The following SAMD3 variants were observed in gnomAD, a reference collection of about 807,000 sequenced individuals.
The protein encoded by SAMD3 is sterile alpha motif domain containing 3.
A neutral mutation model predicts 58.5 loss-of-function variants in SAMD3; 63 were observed. The observed-to-expected ratio is 1.08, with a 90% confidence interval of 0.88 to 1.33. The LOEUF (loss-of-function observed/expected upper bound fraction) is 1.33, where lower values mean the gene tolerates loss of function less well. Ranked by LOEUF, SAMD3 falls within the 40% of genes most tolerant of loss-of-function variation. The probability of loss-of-function intolerance (pLI) is 0.00; values close to 1 mark genes in which losing one functional copy is unlikely to be tolerated. For missense variants in SAMD3, 604 were observed against 608.4 expected (o/e 0.99, Z 0.08); for synonymous variants, 220 against 210.3 (o/e 1.05, Z -0.40).
At chr6:130,197,248 A>G (rs1381134943) in intron 5 of SAMD3, among the ~76,000 whole-genome samples, 1 of 152,280 alleles carries the variant, frequency 6.6e-6, no homozygotes, top group East Asian at 1.9e-4. Flanking sequence ...CTGTGCCCCA[A>G]AAAACTTGTC....
chr6:130,343,685 C>T (rs1777345231), intron 1 of SAMD3, among the ~76,000 whole-genome samples: 1 of 152,152 alleles, frequency 6.6e-6, no homozygotes, highest in Admixed American at 6.5e-5. Flanking sequence ...GAGTCATGGG[C>T]TGGGAGCTCT....
chr6:130,268,819 G>A (rs28780746), intron 2 of SAMD3, among the ~76,000 whole-genome samples: 1 of 152,114 alleles, frequency 6.6e-6, no homozygotes, highest in Non-Finnish European at 1.5e-5. Context: ...ACATTTCTCA[G>A]AATGTATCTC....
upstream of SAMD3, among the ~76,000 whole-genome samples, chr6:130,223,379 G>A (rs138682736): frequency 2.6e-5 from 4 of 152,326 alleles, no homozygotes; most frequent in Non-Finnish European, 4.4e-5. Context: ...ACATAGCTCA[G>A]TGTGTACGTG....
intron 2 of SAMD3, among the ~76,000 whole-genome samples, chr6:130,303,510 G>T (rs1015284430): frequency 1.3e-5 from 2 of 152,112 alleles, no homozygotes; most frequent in Non-Finnish European, 2.9e-5. Flanking sequence ...TCCATGAATA[G>T]AAATAAATGT....
At chr6:130,271,705 C>G (rs889148991) in intron 2 of SAMD3, among the ~76,000 whole-genome samples, 5 of 152,156 alleles carry the variant, frequency 3.3e-5, no homozygotes, top group African/African-American at 1.2e-4. Context: ...CTAATAAAGA[C>G]ATATCGAGAC....
chr6:130,212,671 T>G (rs1043848212), intron 4 of SAMD3, among the ~76,000 whole-genome samples: 2 of 152,216 alleles, frequency 1.3e-5, no homozygotes, highest in Non-Finnish European at 2.9e-5. Flanking sequence ...AGCCCAGGTT[T>G]CCTGGCAGTC....
In SAMD3 at chr6:130,154,034, C is replaced by T. The variant is rs149258705; in HGVS notation, c.1023+791G>A. On this transcript the variant is annotated intron_variant, in intron 9 of 11. Transcript: ENST00000439090. ...AAATTATTTGGGATCATAAAGGAAA[C>T]GTATTTTTACTAAGGATGCATAATA... Among the ~76,000 whole-genome samples the T allele has an allele frequency of 3.4e-3, 517 of 151,852 alleles. 2 individuals are homozygous for T. The highest frequency in any genetic ancestry group is 0.012 in the African/African-American group (490 of 41,404).
chr6:130,332,409 G>A (rs1389194235), intron 1 of SAMD3, among the ~76,000 whole-genome samples: 1 of 150,644 alleles, frequency 6.6e-6, no homozygotes, highest in Non-Finnish European at 1.5e-5. Flanking sequence ...AGGGGTTAGA[G>A]GTAAAGTCAG....
At chr6:130,351,026 T>C (rs1324591468) in intron 1 of SAMD3, among the ~76,000 whole-genome samples, 2 of 152,104 alleles carry the variant, frequency 1.3e-5, no homozygotes, top group Admixed American at 6.6e-5. Context: ...TAGCCATATG[T>C]AGAAAGCTGA....
At chr6:130,317,016 C>T (rs545538350) in intron 1 of SAMD3, among the ~76,000 whole-genome samples, 46 of 152,280 alleles carry the variant, frequency 3.0e-4, no homozygotes, top group African/African-American at 1.1e-3. Context: ...GCACATCAGG[C>T]CTTCTGACTC....
rs539704899 is a variant in SAMD3, at chr6:130,289,512, G to T, written c.-188+23466C>A. Reference sequence around the variant, plus strand: ...AAAGAAAAAAAAATATATATAGAGAGAGAGAGAGACAGAGTCTCACTCTGT... The same window carrying T: ...AAAGAAAAAAAAATATATATAGAGATAGAGAGAGACAGAGTCTCACTCTGT... On this transcript the variant is annotated intron_variant, in intron 2 of 13. Transcript: ENST00000368134. Among the ~76,000 whole-genome samples, 337 of 151,824 alleles carry T rather than the reference G, an allele frequency of 2.2e-3. 1 individual carries two copies. The highest frequency in any genetic ancestry group is 5.6e-3 in the African/African-American group (231 of 41,408).
intron 8 of SAMD3, among the ~76,000 whole-genome samples, chr6:130,174,751 G>GT (rs1214121604): frequency 3.9e-5 from 6 of 152,164 alleles, no homozygotes; most frequent in Non-Finnish European, 7.4e-5. Flanking sequence ...CCTTTCAGCT[G>GT]TCTTGTCTTT....
chr6:130,206,787 C>G (rs1043646822), intron 5 of SAMD3, among the ~76,000 whole-genome samples: 8 of 152,102 alleles, frequency 5.3e-5, no homozygotes, highest in African/African-American at 1.9e-4. Context: ...TCCTATTTTT[C>G]TCCTCCCCCT....
chr6:130,291,945 A>G (rs764948704), intron 2 of SAMD3, among the ~76,000 whole-genome samples: 2 of 152,252 alleles, frequency 1.3e-5, no homozygotes, highest in Non-Finnish European at 2.9e-5. Context: ...AATTTAGCTT[A>G]GAAAAAGAAA....
chr6:130,351,667 G>A (rs1381125862), intron 1 of SAMD3, among the ~76,000 whole-genome samples: 1 of 152,126 alleles, frequency 6.6e-6, no homozygotes, highest in Admixed American at 6.6e-5. Flanking sequence ...AAGTCAATGT[G>A]ATCTAGAACT....
At chr6:130,234,179 C>G (rs960118634) in intron 2 of SAMD3, among the ~76,000 whole-genome samples, 7 of 152,124 alleles carry the variant, frequency 4.6e-5, no homozygotes, top group Non-Finnish European at 1.0e-4. Flanking sequence ...ATGTAGTTAG[C>G]TGAGGCTTAA....
In SAMD3 at chr6:130,214,437, T is replaced by C; in HGVS notation, c.169A>G (p.Met57Val). ...TGCTTGTATTTTTTAATTAAATCCA[T>C]CAGAACAGCCTGGTGCCCAATTTTC... Reference protein sequence around the residue: ...VKKIGHQAVLMDLIKKYKQNT... With the variant: ...VKKIGHQAVLVDLIKKYKQNT... The change falls in exon 4 of 12, where the codon ATG becomes GTG. Residue 57 changes from methionine (M) to valine (V), a missense_variant. By Grantham distance (21) the Met-to-Val change is conservative (BLOSUM62 1). Transcript: ENST00000439090. The C allele has an allele frequency of 6.2e-7, 1 of 1,613,368 alleles. No individual in the cohort carries two copies. The highest frequency in any genetic ancestry group is 8.5e-7 in the Non-Finnish European group (1 of 1,179,650).
intron 2 of SAMD3, among the ~76,000 whole-genome samples, chr6:130,297,015 C>T (rs577868302): frequency 5.3e-5 from 8 of 152,306 alleles, no homozygotes; most frequent in South Asian, 4.1e-4. Flanking sequence ...TTCCACTCAT[C>T]ATCAGTCCAC....
chr6:130,191,426 T>G (rs1793528927), intron 5 of SAMD3, among the ~76,000 whole-genome samples: 1 of 152,206 alleles, frequency 6.6e-6, no homozygotes, highest in Non-Finnish European at 1.5e-5. Context: ...CATTCGCATT[T>G]GGAAGGAAAA....
Sources: gnomAD v4.1 joint callset for allele counts (sites outside exome capture counted in the v4.1 genomes callset) on GRCh38, gnomAD v4.1.1 for gene constraint, MANE v1.5 for transcripts, NCBI Gene and HGNC (gene_info 2026-07-23, HGNC 2026-07-21) for gene names.